The following VIT variants were observed in gnomAD, a reference collection of about 807,000 sequenced individuals.
The protein encoded by VIT is vitrin.
Under a neutral mutation model 78.0 loss-of-function variants are expected in VIT, and 99 were observed. That is an observed-to-expected ratio of 1.27 (90% CI 1.08 to 1.50). The LOEUF is 1.50. Ranked by LOEUF, VIT falls within the 40% of genes most tolerant of loss-of-function variation. The probability of loss-of-function intolerance (pLI) is 0.00; values close to 1 mark genes in which losing one functional copy is unlikely to be tolerated. For synonymous variants in VIT, 374 were observed against 334.3 expected, an observed-to-expected ratio of 1.12 and a Z score of -1.29; for missense variants, 1,126 against 875.3, an observed-to-expected ratio of 1.29 and a Z score of -3.61.
chr2:36,793,816 T>A (rs1384271888), intron 12 of VIT, among the ~76,000 whole-genome samples: 1 of 152,124 alleles, frequency 6.6e-6, no homozygotes, highest in East Asian at 1.9e-4. Flanking sequence ...TGACTCAGAG[T>A]GTCATGGGGT....
intron 7 of VIT, among the ~76,000 whole-genome samples, chr2:36,772,174 C>T (rs557725139): frequency 6.6e-6 from 1 of 151,914 alleles, no homozygotes; most frequent in South Asian, 2.1e-4. Flanking sequence ...TTTGGGAGGC[C>T]GAGGCAGGAG....
At chr2:36,803,488 C>T (rs764623320) in intron 13 of VIT, among the ~76,000 whole-genome samples, 3 of 152,168 alleles carry the variant, frequency 2.0e-5, no homozygotes, top group Non-Finnish European at 4.4e-5. Flanking sequence ...CTTCTCATGG[C>T]GTCTTGTGCT....
Position 36,737,530 on chromosome 2 carries a change from G to T in VIT, c.119-5570G>T, listed in dbSNP as rs574438790. On this transcript the variant is annotated intron_variant, in intron 3 of 15. Transcript: ENST00000379242. The stretch of plus-strand genomic sequence containing the variant: ...AGTCTGTTGAAATAGACTTAATTTG[G>T]GGTGAAATGTACAACATGTAGTTCA... Among the ~76,000 whole-genome samples the T allele has an allele frequency of 2.0e-5, 3 of 152,230 alleles. No individual in the cohort carries two copies. The South Asian group carries it at 6.2e-4, about 32-fold the overall frequency.
chr2:36,813,247 C>G (rs892626219), intron 15 of VIT, among the ~76,000 whole-genome samples: 1 of 151,704 alleles, frequency 6.6e-6, no homozygotes, highest in Non-Finnish European at 1.5e-5. Context: ...GTCAGGAGTT[C>G]GAGACCAGCC....
chr2:36,700,707 G>A (rs1254757420), intron 1 of VIT, among the ~76,000 whole-genome samples: 1 of 151,944 alleles, frequency 6.6e-6, no homozygotes, highest in Non-Finnish European at 1.5e-5. Flanking sequence ...ATGCACTCCA[G>A]CCTGGGTGAC....
chr2:36,763,330 C>G (rs944699169), intron 6 of VIT, among the ~76,000 whole-genome samples: 2 of 152,162 alleles, frequency 1.3e-5, no homozygotes, highest in African/African-American at 2.4e-5. Context: ...CTCTTCCGAC[C>G]ACACCCAAAT....
chr2:36,715,738 T>A (rs934619208), intron 1 of VIT, among the ~76,000 whole-genome samples: 9 of 152,156 alleles, frequency 5.9e-5, no homozygotes, highest in Admixed American at 5.9e-4. Flanking sequence ...TACTATTAAA[T>A]AATATGCAGC....
intron 11 of VIT, 27 bp from the exon 12 acceptor site, chr2:36,787,102 A>C (rs1325206997): frequency 6.2e-7 from 1 of 1,613,836 alleles, no homozygotes; most frequent in Middle Eastern, 1.7e-4. Context: ...GATCATGAGA[A>C]TAATAGAGTC....
At chr2:36,697,393 A>C (rs1664743603) in intron 1 of VIT, among the ~76,000 whole-genome samples, 1 of 152,262 alleles carries the variant, frequency 6.6e-6, no homozygotes, top group Non-Finnish European at 1.5e-5. Context: ...TGGCAGTATG[A>C]GAAATGGGCA....
At chr2:36,768,694 G>C (rs896294790) in intron 7 of VIT, among the ~76,000 whole-genome samples, 2 of 152,240 alleles carry the variant, frequency 1.3e-5, no homozygotes, top group African/African-American at 4.8e-5. Context: ...CCTTGCAGGG[G>C]AGCATCCCTG....
At chr2:36,797,962 G>C (rs1666027622) in intron 12 of VIT, among the ~76,000 whole-genome samples, 1 of 152,134 alleles carries the variant, frequency 6.6e-6, no homozygotes, top group Non-Finnish European at 1.5e-5. Flanking sequence ...TGAGCTTGGA[G>C]GGTGGGCACG....
chr2:36,699,774 C>A (rs73924156), intron 1 of VIT, among the ~76,000 whole-genome samples: 1 of 152,078 alleles, frequency 6.6e-6, no homozygotes, highest in Non-Finnish European at 1.5e-5. Flanking sequence ...TAACCCCATT[C>A]GGAAAGAATG....
At chr2:36,707,721 A>G (rs1665521831) in intron 1 of VIT, among the ~76,000 whole-genome samples, 1 of 152,166 alleles carries the variant, frequency 6.6e-6, no homozygotes, top group Non-Finnish European at 1.5e-5. Context: ...AACAGTGTCC[A>G]TCCAGTCCAC....
chr2:36,706,341 T>C, intron 1 of VIT, among the ~76,000 whole-genome samples: 1 of 152,128 alleles, frequency 6.6e-6, no homozygotes, highest in African/African-American at 2.4e-5. Context: ...ATGAGAAGGG[T>C]TTTAATTAAA....
intron 3 of VIT, among the ~76,000 whole-genome samples, chr2:36,738,683 T>C (rs115538830): frequency 1.6e-4 from 24 of 152,250 alleles, no homozygotes; most frequent in African/African-American, 5.8e-4. Context: ...GATAGTAACA[T>C]TCAAACAGAT....
At chr2:36,788,365 GAAAT>G (rs1665254552) in intron 12 of VIT, among the ~76,000 whole-genome samples, 1 of 152,180 alleles carries the variant, frequency 6.6e-6, no homozygotes, top group African/African-American at 2.4e-5. Flanking sequence ...GTTGTCAAGA[GAAAT>G]AAATAAAATG....
chr2:36,707,344 G>A (rs768771406), intron 1 of VIT, among the ~76,000 whole-genome samples: 1 of 152,070 alleles, frequency 6.6e-6, no homozygotes, highest in Non-Finnish European at 1.5e-5. Context: ...TCACAAGATG[G>A]CAGCCAGCAG....
chr2:36,720,806 C>T (rs1032906872), intron 2 of VIT, among the ~76,000 whole-genome samples: 3 of 152,036 alleles, frequency 2.0e-5, no homozygotes, highest in South Asian at 4.1e-4. Context: ...GTCAGGAGTT[C>T]GAGATCAGCC....
chr2:36,704,788 A>G (rs4670162), intron 1 of VIT, among the ~76,000 whole-genome samples: 127,418 of 151,798 alleles, frequency 0.84, 54,050 homozygotes, highest in Middle Eastern at 0.95. Context: ...GTCATCTGAG[A>G]GGAGCCCATT....
Sources: gnomAD v4.1 joint callset for allele counts (sites outside exome capture counted in the v4.1 genomes callset) on GRCh38, gnomAD v4.1.1 for gene constraint, MANE v1.5 for transcripts, NCBI Gene and HGNC (gene_info 2026-07-23, HGNC 2026-07-21) for gene names.